The following CACNG3 variants were observed in gnomAD, a reference collection of about 807,000 sequenced individuals.
The protein encoded by CACNG3 is calcium voltage-gated channel auxiliary subunit gamma 3.
A neutral mutation model predicts 28.5 loss-of-function variants in CACNG3; 3 were observed. The observed-to-expected ratio is 0.11, with a 90% CI of 0.05 to 0.27. The LOEUF (loss-of-function observed/expected upper bound fraction) is 0.27. Ranked by LOEUF, CACNG3 falls within the 10% of genes least tolerant of loss-of-function variation. CACNG3 has a pLI of 1.00. For missense variants in CACNG3, 236 were observed against 414.4 expected (o/e 0.57, Z 3.74); for synonymous variants, 174 against 162.2 (o/e 1.07, Z -0.55).
chr16:24,278,681 A>G (rs1413475916), intron 1 of CACNG3, among the ~76,000 whole-genome samples: 1 of 152,174 alleles, frequency 6.6e-6, no homozygotes, highest in Non-Finnish European at 1.5e-5. Flanking sequence ...GCCAGCTTCT[A>G]TGCTAAATAA....
At chr16:24,328,636 C>G (rs1899590829) in intron 1 of CACNG3, among the ~76,000 whole-genome samples, 1 of 151,938 alleles carries the variant, frequency 6.6e-6, no homozygotes, top group Non-Finnish European at 1.5e-5. Flanking sequence ...ACTCACGGAT[C>G]ATCGTAAGCT....
At chr16:24,280,734 T>C (rs1374411722) in intron 1 of CACNG3, among the ~76,000 whole-genome samples, 1 of 145,146 alleles carries the variant, frequency 6.9e-6, no homozygotes, top group African/African-American at 2.6e-5. Context: ...GAAAATCACT[T>C]GAACCTGGGA....
At chr16:24,264,662 G>A (rs1477444030) in intron 1 of CACNG3, among the ~76,000 whole-genome samples, 2 of 152,212 alleles carry the variant, frequency 1.3e-5, no homozygotes, top group Admixed American at 6.5e-5. Context: ...CTCCCTGCAG[G>A]AACATACATA....
At chr16:24,322,590 A>G (rs983569853) in intron 1 of CACNG3, among the ~76,000 whole-genome samples, 4 of 152,168 alleles carry the variant, frequency 2.6e-5, no homozygotes, top group African/African-American at 7.2e-5. Flanking sequence ...ATGGAGCCAA[A>G]AAGAAAAAAA....
At chr16:24,322,314 A>T (rs1899473547) in intron 1 of CACNG3, among the ~76,000 whole-genome samples, 1 of 151,240 alleles carries the variant, frequency 6.6e-6, no homozygotes, top group Admixed American at 6.6e-5. Flanking sequence ...CCTGTGAATG[A>T]CTCTATCAGG....
intron 1 of CACNG3, among the ~76,000 whole-genome samples, chr16:24,279,822 C>T (rs1309941244): frequency 1.3e-5 from 2 of 152,126 alleles, no homozygotes; most frequent in African/African-American, 2.4e-5. Context: ...GGACAGTGAT[C>T]CCCTTTAGGA....
chr16:24,290,281 A>G (rs1396811513), intron 1 of CACNG3, among the ~76,000 whole-genome samples: 1 of 152,250 alleles, frequency 6.6e-6, no homozygotes, highest in Non-Finnish European at 1.5e-5. Flanking sequence ...AAATTGGACT[A>G]AGGAAGAAAA....
At chr16:24,309,710 T>C (rs1462814389) in intron 1 of CACNG3, among the ~76,000 whole-genome samples, 1 of 152,170 alleles carries the variant, frequency 6.6e-6, no homozygotes, top group East Asian at 1.9e-4. Flanking sequence ...GATCATGTCC[T>C]GCCATGGGAC....
At chr16:24,287,534 A>AG (rs1365391482) in intron 1 of CACNG3, among the ~76,000 whole-genome samples, 2 of 149,756 alleles carry the variant, frequency 1.3e-5, no homozygotes, top group Admixed American at 6.7e-5. Flanking sequence ...AAAAAAAAAA[A>AG]GGAAGAAAAA....
chr16:24,313,992 G>A (rs577247917), intron 1 of CACNG3, among the ~76,000 whole-genome samples: 13 of 152,204 alleles, frequency 8.5e-5, no homozygotes, highest in South Asian at 2.1e-4. Flanking sequence ...TCATCCACCC[G>A]CCTCAGCTTC....
intron 1 of CACNG3, among the ~76,000 whole-genome samples, chr16:24,312,920 G>GAAGAAAGAAAGAAAGAAAGAAAGAAAGA (rs374395697): frequency 3.1e-4 from 38 of 122,120 alleles, no homozygotes; most frequent in African/African-American, 9.8e-4. Context: ...AGGAAGGAAG[G>GAAGAAAGAAAGAAAGAAAGAAAGAAAGA]AAGAAAGAAA....
intron 1 of CACNG3, among the ~76,000 whole-genome samples, chr16:24,297,852 T>G (rs1301437034): frequency 6.6e-6 from 1 of 152,118 alleles, no homozygotes; most frequent in Non-Finnish European, 1.5e-5. Flanking sequence ...TAAAGGATTT[T>G]TCTGCATTTT....
At chr16:24,293,181 T>G (rs1567211853) in intron 1 of CACNG3, among the ~76,000 whole-genome samples, 1 of 152,238 alleles carries the variant, frequency 6.6e-6, no homozygotes, top group Non-Finnish European at 1.5e-5. Flanking sequence ...ATTTGAAATC[T>G]TATCTGTTGG....
chr16:24,357,467 C>A (rs1211675566), intron 3 of CACNG3, among the ~76,000 whole-genome samples: 1 of 152,100 alleles, frequency 6.6e-6, no homozygotes, highest in African/African-American at 2.4e-5. Context: ...AAACAGCAAC[C>A]ACACAGTTCC....
chr16:24,271,936 A>T lies in CACNG3; in HGVS notation c.211+14971A>T, dbSNP rs917808327. Among the ~76,000 whole-genome samples the T allele has an allele frequency of 6.6e-5, 10 of 152,298 alleles. No individual in the cohort carries two copies. In the East Asian group the frequency reaches 1.9e-3, roughly 29 times the overall value. On this transcript the variant is annotated intron_variant, in intron 1 of 3. Transcript: ENST00000005284. ...ACACACAAAAAGGCTTGTGCAGCAT[A>T]CACAGGGGAGAACTGACCTCTTCAA...
At chr16:24,279,619 G>T (rs1018893644) in intron 1 of CACNG3, among the ~76,000 whole-genome samples, 1 of 152,192 alleles carries the variant, frequency 6.6e-6, no homozygotes, top group Non-Finnish European at 1.5e-5. Context: ...AATATTTGCA[G>T]ACTGGTTAAG....
chr16:24,332,756 T>G (rs912381456), intron 1 of CACNG3, among the ~76,000 whole-genome samples: 1 of 151,948 alleles, frequency 6.6e-6, no homozygotes. Context: ...ACCGGACCAG[T>G]TATAAAATCA....
At chr16:24,257,306 T>C (rs1898471839) in intron 1 of CACNG3, among the ~76,000 whole-genome samples, 3 of 143,102 alleles carry the variant, frequency 2.1e-5, no homozygotes, top group Non-Finnish European at 4.5e-5. Flanking sequence ...CCTGCTTAAA[T>C]TGGATTTCGA....
At position 24,256,586 on chromosome 16, in the gene CACNG3, C is replaced by A; in HGVS notation, c.-169C>A. ...AGGCGACCCAGGGAACTGGAGAGAG[C>A]TCCAGAAAGGAAATCCCAGCTTTCC... On this transcript the variant is annotated 5_prime_UTR_variant, in exon 1 of 4. Transcript: ENST00000005284. The surrounding 1 kb of genome is among the most constrained non-coding windows in gnomAD (Gnocchi z 4.6). 1 of 617,334 alleles carries A rather than the reference C, an allele frequency of 1.6e-6. No homozygotes were observed. Among genetic ancestry groups the A allele is most frequent in the Non-Finnish European group, 2.9e-6 (1 of 344,540 alleles). The allele number at this position is 617,334 out of a possible 1,614,324, so 38.2% of individuals were successfully genotyped here.
Sources: gnomAD v4.1 joint callset for allele counts (sites outside exome capture counted in the v4.1 genomes callset) on GRCh38, gnomAD v4.1.1 for gene constraint, Gnocchi (gnomAD v3.1) non-coding constraint, MANE v1.5 for transcripts, NCBI Gene and HGNC (gene_info 2026-07-23, HGNC 2026-07-21) for gene names.